The following ZNF385D variants were observed in gnomAD, a reference collection of about 807,000 sequenced individuals.
ZNF385D encodes the protein zinc finger protein 659.
Under a neutral mutation model 35.8 loss-of-function variants are expected in ZNF385D, and 15 were observed. The observed-to-expected ratio is 0.42, with a 90% CI of 0.28 to 0.64. The LOEUF (loss-of-function observed/expected upper bound fraction) is 0.64, where lower values mean the gene tolerates loss of function less well. ZNF385D is among the 30% of genes least tolerant of loss of function. ZNF385D has a pLI of 0.23. For synonymous variants in ZNF385D, 212 were observed against 186.8 expected (o/e 1.13, Z -1.10); for missense variants, 474 against 494.6 (o/e 0.96, Z 0.39).
chr3:22,021,247 T>C (rs1697208888), intron 3 of ZNF385D, among the ~76,000 whole-genome samples: 2 of 151,810 alleles, frequency 1.3e-5, no homozygotes, highest in East Asian at 1.9e-4. Context: ...CTGAAAACTT[T>C]ATGCAAAGAA....
intron 1 of ZNF385D, among the ~76,000 whole-genome samples, chr3:21,740,980 G>C (rs2069485445): frequency 2.0e-5 from 3 of 152,152 alleles, no homozygotes; most frequent in Admixed American, 2.0e-4. Flanking sequence ...TGTACAGCCA[G>C]GGTTTAGATC....
intron 4 of ZNF385D, among the ~76,000 whole-genome samples, chr3:21,497,986 A>C (rs895082264): frequency 6.6e-6 from 1 of 152,232 alleles, no homozygotes; most frequent in Non-Finnish European, 1.5e-5. Flanking sequence ...GCCTACAGTA[A>C]CCAAAACAGC....
intron 3 of ZNF385D, among the ~76,000 whole-genome samples, chr3:21,846,628 C>T (rs781580770): frequency 2.6e-5 from 4 of 151,890 alleles, no homozygotes; most frequent in Non-Finnish European, 5.9e-5. Context: ...AGTACTACTG[C>T]GGTGGAGGGG....
chr3:22,285,308 C>T (rs1345506517), intron 2 of ZNF385D, among the ~76,000 whole-genome samples: 1 of 152,218 alleles, frequency 6.6e-6, no homozygotes, highest in East Asian at 1.9e-4. Context: ...TTCATGTATC[C>T]ATTTTTTAAG....
At position 21,751,094 on chromosome 3, in the gene ZNF385D, A is replaced by G. The variant is rs920606568; in HGVS notation, c.-178T>C. On this transcript the variant is annotated 5_prime_UTR_variant, in exon 1 of 8. Coordinates refer to ENST00000281523, the MANE Select transcript of ZNF385D (RefSeq NM_024697.3). ...TGAGCGCCTTGCAGGCTGCCTTTCC[A>G]GGGCTAAGATCCCCGGCGGCTGGAG... 1.3e-6 allele frequency: 2 copies of G among 1,491,408 alleles called. No individual in the cohort carries two copies. The highest frequency in any genetic ancestry group is 1.4e-5 in the African/African-American group (1 of 71,526). The allele number at this position is 1,491,408 out of a possible 1,614,324, so 92.4% of individuals were successfully genotyped here.
intron 3 of ZNF385D, among the ~76,000 whole-genome samples, chr3:22,131,105 G>C (rs981510311): frequency 2.6e-5 from 4 of 152,114 alleles, no homozygotes; most frequent in African/African-American, 9.7e-5. Context: ...ATGATGTTTG[G>C]ATAAAATGTA....
At chr3:21,710,165 T>G in intron 1 of ZNF385D, among the ~76,000 whole-genome samples, 1 of 152,092 alleles carries the variant, frequency 6.6e-6, no homozygotes, top group East Asian at 1.9e-4. Flanking sequence ...ATAAAAGACA[T>G]GAAGGAGTTT....
chr3:21,608,023 G>GTTTTTTTTTTGTTTTTTTTTTTTTTTTT (rs2064545249), intron 2 of ZNF385D, among the ~76,000 whole-genome samples: 1 of 120,220 alleles, frequency 8.3e-6, no homozygotes, highest in Non-Finnish European at 1.7e-5. Context: ...TTTTTTTTTT[G>GTTTTTTTTTTGTTTTTTTTTTTTTTTTT]TTTTTTTTTT....
intron 3 of ZNF385D, among the ~76,000 whole-genome samples, chr3:22,157,107 A>G (rs1705637435): frequency 6.6e-6 from 1 of 152,106 alleles, no homozygotes; most frequent in Admixed American, 6.6e-5. Flanking sequence ...TTGTAACATC[A>G]TGAATATGCG....
intron 4 of ZNF385D, among the ~76,000 whole-genome samples, chr3:21,503,141 C>T (rs1032047444): frequency 4.6e-5 from 7 of 152,094 alleles, no homozygotes; most frequent in Non-Finnish European, 7.4e-5. Context: ...CCCACAAAAG[C>T]ATTTGTCTAT....
chr3:21,810,564 T>A (rs1351665711), intron 3 of ZNF385D, among the ~76,000 whole-genome samples: 3 of 151,670 alleles, frequency 2.0e-5, no homozygotes, highest in African/African-American at 7.3e-5. Flanking sequence ...ATGTATATGT[T>A]TATTTATTTT....
At chr3:21,992,959 C>T (rs1337793093) in intron 3 of ZNF385D, among the ~76,000 whole-genome samples, 2 of 152,168 alleles carry the variant, frequency 1.3e-5, no homozygotes, top group African/African-American at 4.8e-5. Context: ...TTGTACAAAT[C>T]GTCAAATCAC....
intron 2 of ZNF385D, among the ~76,000 whole-genome samples, chr3:22,368,552 G>A (rs1259625861): frequency 2.6e-5 from 4 of 152,130 alleles, no homozygotes; most frequent in Admixed American, 2.6e-4. Flanking sequence ...TCACAGTTCT[G>A]GAGGCTGTGA....
At chr3:22,107,164 C>CA (rs1702269979) in intron 3 of ZNF385D, among the ~76,000 whole-genome samples, 1 of 151,708 alleles carries the variant, frequency 6.6e-6, no homozygotes, top group South Asian at 2.1e-4. Context: ...GCTGGGATTA[C>CA]AGGCATGTGC....
chr3:22,161,210 T>C (rs1183608877), intron 3 of ZNF385D, among the ~76,000 whole-genome samples: 8 of 152,030 alleles, frequency 5.3e-5, no homozygotes, highest in Admixed American at 5.3e-4. Flanking sequence ...AAAAAATATA[T>C]ATCATAAAAT....
chr3:21,902,867 T>TAC (rs1024280626), intron 3 of ZNF385D, among the ~76,000 whole-genome samples: 2 of 152,106 alleles, frequency 1.3e-5, no homozygotes, highest in Admixed American at 1.3e-4. Flanking sequence ...AAACTGATAA[T>TAC]ACACCCCTTT....
rs2062115295 is a variant in ZNF385D at position 21,539,277 on chromosome 3, T to G, written c.276+25297A>C. 6.6e-6 allele frequency among the ~76,000 whole-genome samples: 1 copy of G among 152,182 alleles called. No homozygotes were observed. Among genetic ancestry groups the G allele is most frequent in the Non-Finnish European group, 1.5e-5 (1 of 68,018 alleles). Reference sequence around the variant, plus strand: ...CAGTGCTGTGTGGCTTCTACATTTCTACATAGATCACTTTCTCATTAATTG... The same window carrying G: ...CAGTGCTGTGTGGCTTCTACATTTCGACATAGATCACTTTCTCATTAATTG... On this transcript the variant is annotated intron_variant, in intron 3 of 7. Transcript: ENST00000281523. The surrounding 1 kb of genome is among the most constrained non-coding windows in gnomAD (Gnocchi z 4.0).
At chr3:21,719,459 T>C (rs1304038236) in intron 1 of ZNF385D, among the ~76,000 whole-genome samples, 3 of 152,164 alleles carry the variant, frequency 2.0e-5, no homozygotes, top group Admixed American at 1.3e-4. Flanking sequence ...CAAAGGTATC[T>C]CCAGTAGGGA....
intron 3 of ZNF385D, among the ~76,000 whole-genome samples, chr3:21,543,311 C>G (rs989522868): frequency 5.9e-5 from 9 of 152,226 alleles, no homozygotes; most frequent in Admixed American, 1.3e-4. Flanking sequence ...GCGGGACTAT[C>G]TCGGAAAACC....
Sources: allele counts gnomAD v4.1 joint callset (sites outside exome capture counted in the v4.1 genomes callset), GRCh38; gene constraint gnomAD v4.1.1; non-coding constraint Gnocchi (gnomAD v3.1); transcripts MANE v1.5; gene names NCBI Gene and HGNC (gene_info 2026-07-23, HGNC 2026-07-21).